Variants in BCAS1 observed in about 807,000 individuals in gnomAD.
BCAS1 encodes the protein brain enriched myelin associated protein 1.
Under a neutral mutation model 65.4 loss-of-function variants are expected in BCAS1, and 46 were observed. That is an observed-to-expected ratio of 0.70 (90% CI 0.55 to 0.90). The LOEUF is 0.90. Among genes scored for constraint, BCAS1 ranks in the 40% least tolerant of loss-of-function variants. The pLI is 0.00. For synonymous variants in BCAS1, 298 were observed against 293.5 expected, an observed-to-expected ratio of 1.02 and a Z score of -0.16; for missense variants, 793 against 771.2, an observed-to-expected ratio of 1.03 and a Z score of -0.33.
chr20:54,051,923 G>A (rs2092222176), intron 3 of BCAS1, among the ~76,000 whole-genome samples: 1 of 152,026 alleles, frequency 6.6e-6, no homozygotes. Flanking sequence ...ATTTTTAGTA[G>A]AGACGGGGTT....
chr20:54,002,476 T>C (rs1319807517), intron 4 of BCAS1, among the ~76,000 whole-genome samples: 6 of 152,326 alleles, frequency 3.9e-5, no homozygotes, highest in South Asian at 4.1e-4. Context: ...CTGTTAATAG[T>C]AGAGAGTGTT....
chr20:54,068,088 T>C (rs290445), intron 1 of BCAS1, among the ~76,000 whole-genome samples: 93,242 of 152,052 alleles, frequency 0.61, 28,991 homozygotes, highest in Middle Eastern at 0.68. Flanking sequence ...TTGCCTCCTG[T>C]ACAAGGGGAC....
intron 12 of BCAS1, among the ~76,000 whole-genome samples, chr20:53,949,182 G>C (rs1297052769): frequency 6.9e-6 from 1 of 144,516 alleles, no homozygotes; most frequent in Non-Finnish European, 1.5e-5. Context: ...ATGTGTCTGT[G>C]TGTGCGTATA....
At chr20:53,999,812 CCT>C (rs1453993194) in intron 4 of BCAS1, among the ~76,000 whole-genome samples, 1 of 152,114 alleles carries the variant, frequency 6.6e-6, no homozygotes, top group Non-Finnish European at 1.5e-5. Flanking sequence ...CTCACTGCAA[CCT>C]CTGTCTCCCT....
At chr20:54,065,782 G>A (rs1250309272) in intron 1 of BCAS1, among the ~76,000 whole-genome samples, 2 of 152,190 alleles carry the variant, frequency 1.3e-5, no homozygotes, top group African/African-American at 2.4e-5. Flanking sequence ...CCCTGGCTCC[G>A]TGTCTGAGAA....
chr20:54,065,253 G>T (rs1189260317), intron 1 of BCAS1, among the ~76,000 whole-genome samples: 1 of 150,334 alleles, frequency 6.7e-6, no homozygotes, highest in Non-Finnish European at 1.5e-5. Context: ...AATTTTCCAG[G>T]ACTATATATC....
intron 10 of BCAS1, among the ~76,000 whole-genome samples, chr20:53,958,891 C>T (rs2089784756): frequency 6.6e-6 from 1 of 152,166 alleles, no homozygotes; most frequent in Non-Finnish European, 1.5e-5. Flanking sequence ...TCTAAACCAC[C>T]TCCCCATACT....
intron 1 of BCAS1, among the ~76,000 whole-genome samples, chr20:54,066,332 A>T (rs146667591): frequency 6.6e-6 from 1 of 152,112 alleles, no homozygotes; most frequent in Non-Finnish European, 1.5e-5. Context: ...TTGGCCTCCC[A>T]AAGTGCTGGG....
intron 4 of BCAS1, among the ~76,000 whole-genome samples, chr20:53,996,424 G>A (rs935666850): frequency 5.0e-5 from 7 of 139,892 alleles, no homozygotes; most frequent in Admixed American, 1.5e-4. Flanking sequence ...CAGAGATGGC[G>A]TTTCCCACAA....
At chr20:53,998,921 AAC>A (rs1432754459) in intron 4 of BCAS1, among the ~76,000 whole-genome samples, 1 of 152,232 alleles carries the variant, frequency 6.6e-6, no homozygotes, top group Non-Finnish European at 1.5e-5. Flanking sequence ...TATTACAATT[AAC>A]AGTTTCAAAC....
At chr20:54,059,047 A>G (rs2092343817) in intron 1 of BCAS1, among the ~76,000 whole-genome samples, 1 of 152,212 alleles carries the variant, frequency 6.6e-6, no homozygotes, top group Admixed American at 6.5e-5. Context: ...CCAGATGCTT[A>G]TAAAACCATC....
intron 8 of BCAS1, among the ~76,000 whole-genome samples, chr20:53,979,686 G>A (rs1038815540): frequency 1.3e-5 from 2 of 152,198 alleles, no homozygotes; most frequent in Non-Finnish European, 2.9e-5. Context: ...GGCAGCCCAG[G>A]CTGATTCATG....
chr20:54,059,893 A>G (rs1453821719), intron 1 of BCAS1, among the ~76,000 whole-genome samples: 1 of 152,210 alleles, frequency 6.6e-6, no homozygotes, highest in Non-Finnish European at 1.5e-5. Flanking sequence ...TATGCAGTGT[A>G]TGACTGTGTC....
intron 3 of BCAS1, among the ~76,000 whole-genome samples, chr20:54,042,294 T>G (rs2146212770): frequency 6.6e-6 from 1 of 152,232 alleles, no homozygotes; most frequent in East Asian, 1.9e-4. Context: ...TAGTGGGTAC[T>G]AGGCTTAGTA....
intron 6 of BCAS1, among the ~76,000 whole-genome samples, chr20:53,994,592 A>C (rs2090852079): frequency 1.3e-5 from 2 of 152,072 alleles, no homozygotes; most frequent in Non-Finnish European, 2.9e-5. Flanking sequence ...CTTCTACTTT[A>C]TTTTTTTAGA....
chr20:54,056,314 A>G (rs459454), intron 3 of BCAS1, among the ~76,000 whole-genome samples: 3,247 of 152,292 alleles, frequency 0.021, 84 homozygotes, highest in East Asian at 0.099. Context: ...AGCAACGTGG[A>G]TGGAACTGGA....
chr20:54,010,073 T>G (rs1359206461), intron 4 of BCAS1, among the ~76,000 whole-genome samples: 1 of 152,154 alleles, frequency 6.6e-6, no homozygotes, highest in East Asian at 1.9e-4. Flanking sequence ...AGAGGGTGCT[T>G]CCTCAACTTG....
chr20:54,006,312 C>A (rs996037619), intron 4 of BCAS1, among the ~76,000 whole-genome samples: 1 of 152,192 alleles, frequency 6.6e-6, no homozygotes, highest in Non-Finnish European at 1.5e-5. Context: ...AAAAGCAAGT[C>A]CCCCTTCTTC....
In BCAS1 at chr20:53,975,400, C is replaced by T. The variant is rs961782279; in HGVS notation, c.1306G>A (p.Ala436Thr). The T allele has an allele frequency of 6.2e-7, 1 of 1,612,410 alleles. No individual in the cohort carries two copies. The highest frequency in any genetic ancestry group is 8.5e-7 in the Non-Finnish European group (1 of 1,178,856). ...SVKEDSVPTG[A>T]EENVVCESPV... The stretch of plus-strand genomic sequence containing the variant: ...TGTGTGTAACTTACATTCTCCTCCG[C>T]ACCTGTGGGGACTGAGTCCTCTTTA... Residue 436 changes from alanine to threonine, a missense_variant, in exon 9 of 13, where the codon GCG becomes ACG. By Grantham distance (58) the Ala-to-Thr change is moderately conservative. Coordinates refer to ENST00000688948, the MANE Select transcript of BCAS1 (RefSeq NM_001366298.2).
Sources: gnomAD v4.1 joint callset for allele counts (sites outside exome capture counted in the v4.1 genomes callset) on GRCh38, gnomAD v4.1.1 for gene constraint, MANE v1.5 for transcripts, NCBI Gene and HGNC (gene_info 2026-07-23, HGNC 2026-07-21) for gene names.